GABRA5: variants seen among roughly 807,000 people sequenced by gnomAD.
The protein encoded by GABRA5 is gamma-aminobutyric acid type A receptor subunit alpha5, also known as gamma-aminobutyric acid receptor subunit alpha-5.
Under a neutral mutation model 47.3 loss-of-function variants are expected in GABRA5, and 18 were observed. The observed-to-expected ratio is 0.38, with a 90% CI of 0.26 to 0.56. The LOEUF (loss-of-function observed/expected upper bound fraction) is 0.56. GABRA5 is among the 20% of genes least tolerant of loss of function. The probability of loss-of-function intolerance (pLI) is 0.71; values close to 1 mark genes in which losing one functional copy is unlikely to be tolerated. For missense variants in GABRA5, 365 were observed against 599.3 expected (o/e 0.61, Z 4.08); for synonymous variants, 237 against 229.3 (o/e 1.03, Z -0.30).
intron 7 of GABRA5, among the ~76,000 whole-genome samples, chr15:26,924,987 A>T (rs1595426552): frequency 1.3e-5 from 2 of 152,142 alleles, no homozygotes; most frequent in Non-Finnish European, 2.9e-5. Flanking sequence ...TCCTACATTT[A>T]TTTTATGTAT....
At chr15:26,893,930 C>T (rs998957385) in intron 6 of GABRA5, among the ~76,000 whole-genome samples, 38 of 152,242 alleles carry the variant, frequency 2.5e-4, no homozygotes, top group African/African-American at 8.4e-4. Flanking sequence ...GGAAATCAGA[C>T]CTCAAAGGTG....
chr15:26,914,929 G>A (rs1267133640), intron 7 of GABRA5, 44 bp downstream of exon 7: 2 of 1,459,446 alleles, frequency 1.4e-6, no homozygotes, highest in Non-Finnish European at 1.9e-6. Flanking sequence ...TATACTTTGG[G>A]GATCAATTCC....
chr15:26,870,881 C>T (rs1892451160), intron 3 of GABRA5, among the ~76,000 whole-genome samples: 1 of 152,210 alleles, frequency 6.6e-6, no homozygotes, highest in Admixed American at 6.5e-5. Context: ...GGATTGGAAA[C>T]TTATATTTTC....
intron 6 of GABRA5, among the ~76,000 whole-genome samples, chr15:26,907,910 T>A (rs1433450452): frequency 6.6e-6 from 1 of 152,148 alleles, no homozygotes; most frequent in Non-Finnish European, 1.5e-5. Context: ...CTGCATATAA[T>A]AAAACAAATA....
chr15:26,909,014 CAT>C (rs1261124979), intron 6 of GABRA5, among the ~76,000 whole-genome samples: 1 of 152,214 alleles, frequency 6.6e-6, no homozygotes, highest in Non-Finnish European at 1.5e-5. Flanking sequence ...CAAATTACTA[CAT>C]AGTTAGTGAC....
chr15:26,875,776 C>G (rs115194818), intron 3 of GABRA5, among the ~76,000 whole-genome samples: 1,895 of 152,080 alleles, frequency 0.012, 40 homozygotes, highest in East Asian at 0.057. Flanking sequence ...AGGGGAGTAT[C>G]AGGAAGGACA....
chr15:26,881,013 GC>G (rs1292407415), intron 4 of GABRA5, 46 bp downstream of exon 4: 1 of 1,598,192 alleles, frequency 6.3e-7, no homozygotes, highest in Non-Finnish European at 8.5e-7. Flanking sequence ...TCCAGGAAGG[GC>G]TTAAGTCTCG....
At chr15:26,925,532 C>A (rs1893941067) in intron 7 of GABRA5, among the ~76,000 whole-genome samples, 1 of 152,058 alleles carries the variant, frequency 6.6e-6, no homozygotes. Context: ...TTTATTACAG[C>A]AATTTTTTAT....
chr15:26,907,782 G>A (rs1893481098), intron 6 of GABRA5, among the ~76,000 whole-genome samples: 1 of 152,204 alleles, frequency 6.6e-6, no homozygotes, highest in Non-Finnish European at 1.5e-5. Context: ...AGTTGACTGA[G>A]CTTCAGAATA....
intron 3 of GABRA5, among the ~76,000 whole-genome samples, chr15:26,871,825 G>C (rs35974911): frequency 0.32 from 48,740 of 152,184 alleles, 7,857 homozygotes; most frequent in Middle Eastern, 0.38. Flanking sequence ...GGATGTTTAC[G>C]TAGTGAATGA....
chr15:26,921,296 T>C (rs1893836981), intron 7 of GABRA5, among the ~76,000 whole-genome samples: 1 of 152,214 alleles, frequency 6.6e-6, no homozygotes, highest in Admixed American at 6.5e-5. Context: ...ATTTTCTTAG[T>C]ATTTAAGACT....
intron 7 of GABRA5, among the ~76,000 whole-genome samples, chr15:26,934,238 A>G (rs1293229291): frequency 6.8e-6 from 1 of 147,028 alleles, no homozygotes; most frequent in Non-Finnish European, 1.5e-5. Flanking sequence ...GGTGATAGAA[A>G]GAGAATGTTT....
At chr15:26,910,558 C>A (rs1179429095) in intron 6 of GABRA5, among the ~76,000 whole-genome samples, 2 of 150,768 alleles carry the variant, frequency 1.3e-5, no homozygotes, top group African/African-American at 4.9e-5. Context: ...CAAGATCATG[C>A]CACTGCACTC....
At chr15:26,942,200 T>C (rs1313909480) in intron 9 of GABRA5, among the ~76,000 whole-genome samples, 5 of 152,224 alleles carry the variant, frequency 3.3e-5, no homozygotes, top group African/African-American at 1.2e-4. Context: ...CAAACAGGGA[T>C]ACTGACACCC....
intron 4 of GABRA5, among the ~76,000 whole-genome samples, chr15:26,882,483 G>A (rs1892753185): frequency 6.6e-6 from 1 of 152,132 alleles, no homozygotes. Flanking sequence ...ATGACCACGG[G>A]GACTTACAGG....
chr15:26,934,249 A>T lies in GABRA5; in HGVS notation c.581-2936A>T, dbSNP rs1356072762. ...CCTGGGTGATAGAAAGAGAATGTTTAAAAAAAAAAAAAAAAAAAGAAAGAA... is the reference window on the plus strand; with the variant it reads ...CCTGGGTGATAGAAAGAGAATGTTTTAAAAAAAAAAAAAAAAAAGAAAGAA... On this transcript the variant is annotated intron_variant, in intron 7 of 10. Transcript: ENST00000335625. Among the ~76,000 whole-genome samples the T allele has an allele frequency of 1.9e-4, 8 of 42,758 alleles. No homozygotes were observed. In the East Asian group the frequency reaches 4.9e-3, roughly 26 times the overall value. The allele number at this position is 42,758 out of a possible 152,430, so 28.1% of individuals were successfully genotyped here. A position where few individuals can be genotyped will look rare whatever the true frequency, so the allele number is the denominator to read the frequency against.
chr15:26,892,916 T>C (rs906870548), intron 6 of GABRA5, among the ~76,000 whole-genome samples: 3 of 151,776 alleles, frequency 2.0e-5, no homozygotes. Flanking sequence ...AGGTTGTGTG[T>C]GCGTGATGTG....
chr15:26,916,270 CTT>C (rs1893715465), intron 7 of GABRA5, among the ~76,000 whole-genome samples: 1 of 152,068 alleles, frequency 6.6e-6, no homozygotes, highest in East Asian at 1.9e-4. Context: ...TTTTTTTACA[CTT>C]ATTGTTTCAG....
chr15:26,878,019 G>A (rs1365737321), intron 3 of GABRA5, among the ~76,000 whole-genome samples: 2 of 152,216 alleles, frequency 1.3e-5, no homozygotes, highest in South Asian at 4.1e-4. Flanking sequence ...CAGTGCAGTT[G>A]AGAAAAGCAG....
Sources: gnomAD v4.1 joint callset for allele counts (sites outside exome capture counted in the v4.1 genomes callset) on GRCh38, gnomAD v4.1.1 for gene constraint, MANE v1.5 for transcripts, NCBI Gene and HGNC (gene_info 2026-07-23, HGNC 2026-07-21) for gene names.